Variants in PDE1C observed in about 807,000 individuals in gnomAD.
PDE1C encodes the protein dual specificity calcium/calmodulin-dependent 3',5'-cyclic nucleotide phosphodiesterase 1C.
A neutral mutation model predicts 93.1 loss-of-function variants in PDE1C; 62 were observed. The ratio of observed to expected loss-of-function variants is 0.67; its 90% confidence interval spans 0.54 to 0.82. The LOEUF (loss-of-function observed/expected upper bound fraction) is 0.82. Ranked by LOEUF, PDE1C falls within the 40% of genes least tolerant of loss-of-function variation. PDE1C has a pLI of 0.00. For missense variants in PDE1C, 742 were observed against 884.6 expected (o/e 0.84, Z 2.04); for synonymous variants, 325 against 310.1 (o/e 1.05, Z -0.50).
intron 1 of PDE1C, among the ~76,000 whole-genome samples, chr7:32,398,089 C>T (rs1384445862): frequency 1.3e-5 from 2 of 151,482 alleles, no homozygotes; most frequent in Non-Finnish European, 2.9e-5. Flanking sequence ...GCAGGCGGAG[C>T]TTGCAGTGAG....
intron 16 of PDE1C, among the ~76,000 whole-genome samples, chr7:31,778,574 C>T (rs1367027472): frequency 1.3e-5 from 2 of 152,176 alleles, no homozygotes; most frequent in African/African-American, 2.4e-5. Context: ...GACAAATATC[C>T]TCTAGAGGCA....
At chr7:31,917,582 T>C (rs749826646) in intron 2 of PDE1C, among the ~76,000 whole-genome samples, 14 of 152,066 alleles carry the variant, frequency 9.2e-5, no homozygotes, top group South Asian at 4.1e-4. Context: ...TTTGGATAAA[T>C]TGCTTTTTCT....
At chr7:32,319,555 G>C (rs1783245018) in intron 1 of PDE1C, among the ~76,000 whole-genome samples, 1 of 152,218 alleles carries the variant, frequency 6.6e-6, no homozygotes, top group Non-Finnish European at 1.5e-5. Flanking sequence ...GTCTAGGGGA[G>C]GCAAAACGGG....
At chr7:32,160,599 T>C (rs1408316893) in intron 3 of PDE1C, among the ~76,000 whole-genome samples, 1 of 152,172 alleles carries the variant, frequency 6.6e-6, no homozygotes, top group Admixed American at 6.5e-5. Context: ...CCTGGCACTC[T>C]GGGAGGTCGA....
chr7:31,856,228 G>A (rs191119495), intron 7 of PDE1C, among the ~76,000 whole-genome samples: 95 of 152,302 alleles, frequency 6.2e-4, no homozygotes, highest in African/African-American at 2.1e-3. Context: ...AAAGGTTAGA[G>A]TAACAGTATG....
At chr7:31,830,121 G>A (rs991636003) in intron 11 of PDE1C, among the ~76,000 whole-genome samples, 1 of 151,754 alleles carries the variant, frequency 6.6e-6, no homozygotes, top group Non-Finnish European at 1.5e-5. Flanking sequence ...ATTGAGCTGT[G>A]TAGACTCGAC....
intron 6 of PDE1C, among the ~76,000 whole-genome samples, chr7:31,869,858 T>C (rs1263102714): frequency 3.3e-5 from 5 of 152,100 alleles, no homozygotes; most frequent in Admixed American, 6.5e-5. Flanking sequence ...CTAGACCATA[T>C]GTTAGGACAC....
At chr7:32,409,566 T>C (rs1476891186) in intron 1 of PDE1C, among the ~76,000 whole-genome samples, 1 of 151,934 alleles carries the variant, frequency 6.6e-6, no homozygotes, top group Admixed American at 6.6e-5. Flanking sequence ...AAAAATCATA[T>C]CCAAGTAAAG....
chr7:32,200,455 T>C (rs1804929204), intron 2 of PDE1C, among the ~76,000 whole-genome samples: 2 of 152,228 alleles, frequency 1.3e-5, no homozygotes, highest in African/African-American at 4.8e-5. Context: ...CAAGTTACCT[T>C]ATTACCCCTC....
At chr7:32,131,933 G>A (rs1408870432) in intron 3 of PDE1C, among the ~76,000 whole-genome samples, 18 of 152,136 alleles carry the variant, frequency 1.2e-4, no homozygotes, top group Non-Finnish European at 1.5e-5. Flanking sequence ...AATAGTAGTA[G>A]TAGTAGCACT....
intron 17 of PDE1C, among the ~76,000 whole-genome samples, chr7:31,772,623 G>T (rs1166044736): frequency 6.6e-6 from 1 of 151,972 alleles, no homozygotes; most frequent in African/African-American, 2.4e-5. Context: ...GAGCAGAGGA[G>T]TGTTTGTCAA....
At chr7:31,848,219 C>T in intron 8 of PDE1C, 123 bp from the exon 9 acceptor site, 1 of 904,236 alleles carries the variant, frequency 1.1e-6, no homozygotes, top group Non-Finnish European at 1.7e-6. Flanking sequence ...GTCCCCATGC[C>T]AGTTATATGA....
At chr7:31,757,676 T>G (rs980388757) in intron 17 of PDE1C, among the ~76,000 whole-genome samples, 1 of 152,308 alleles carries the variant, frequency 6.6e-6, no homozygotes, top group African/African-American at 2.4e-5. Context: ...TGGAGAAATA[T>G]GAACAATTTT....
chr7:31,832,124 A>G (rs1453906276), intron 11 of PDE1C, among the ~76,000 whole-genome samples: 2 of 152,208 alleles, frequency 1.3e-5, no homozygotes, highest in Non-Finnish European at 2.9e-5. Flanking sequence ...AAACAAAAAG[A>G]GAAACAATAA....
At chr7:32,378,896 CTCTT>C (rs1332974347) in intron 1 of PDE1C, among the ~76,000 whole-genome samples, 1 of 152,190 alleles carries the variant, frequency 6.6e-6, no homozygotes, top group Non-Finnish European at 1.5e-5. Context: ...ATCAATTAAA[CTCTT>C]TCTTTATTGC....
intron 1 of PDE1C, among the ~76,000 whole-genome samples, chr7:32,231,955 GTA>G (rs57288039): frequency 0.37 from 33,589 of 91,280 alleles, 4,078 homozygotes; most frequent in Admixed American, 0.45. Flanking sequence ...ATAAATATGT[GTA>G]TACACACACA....
At chr7:31,628,750 C>A in the PDE1C span, among the ~76,000 whole-genome samples, 1 of 152,284 alleles carries the variant, frequency 6.6e-6, no homozygotes, top group Admixed American at 6.5e-5. Context: ...GCCACCGCGC[C>A]CGGCCTGAGC....
intron 1 of PDE1C, among the ~76,000 whole-genome samples, chr7:32,365,147 G>T (rs533751240): frequency 2.0e-5 from 3 of 152,274 alleles, no homozygotes; most frequent in African/African-American, 7.2e-5. Flanking sequence ...CTGCAATCAG[G>T]GCTTGAGGAA....
chr7:32,024,609 A>G (rs1757831994), intron 2 of PDE1C, among the ~76,000 whole-genome samples: 1 of 152,132 alleles, frequency 6.6e-6, no homozygotes, highest in Non-Finnish European at 1.5e-5. Flanking sequence ...TTCAACAACT[A>G]AGAGAGAGCA....
Sources: allele counts gnomAD v4.1 joint callset (sites outside exome capture counted in the v4.1 genomes callset), GRCh38; gene constraint gnomAD v4.1.1; transcripts MANE v1.5; gene names NCBI Gene and HGNC (gene_info 2026-07-23, HGNC 2026-07-21).